KLF12: variants seen among roughly 807,000 people sequenced by gnomAD.
KLF12 encodes the protein Krueppel-like factor 12.
KLF12 carries 9 observed loss-of-function variants against 37.8 expected under a neutral mutation model. The observed-to-expected ratio is 0.24, with a 90% CI of 0.14 to 0.42. KLF12 has a LOEUF of 0.42. Ranked by LOEUF, KLF12 falls within the 10% of genes least tolerant of loss-of-function variation. The pLI is 1.00. For missense variants in KLF12, 411 were observed against 516.0 expected (o/e 0.80, Z 1.97); for synonymous variants, 208 against 202.1 (o/e 1.03, Z -0.25).
intron 1 of KLF12, among the ~76,000 whole-genome samples, chr13:74,056,827 G>A (rs948131930): frequency 2.0e-5 from 3 of 152,200 alleles, no homozygotes; most frequent in Admixed American, 6.5e-5. Flanking sequence ...TGGGAGGGGA[G>A]AGAAGGATGA....
chr13:73,884,200 T>C (rs147205313), intron 3 of KLF12, among the ~76,000 whole-genome samples: 4 of 152,324 alleles, frequency 2.6e-5, no homozygotes, highest in African/African-American at 4.8e-5. Context: ...GTTCTGAGGA[T>C]TGAATGTGTT....
At chr13:73,893,443 G>A (rs554979391) in intron 3 of KLF12, among the ~76,000 whole-genome samples, 86 of 141,724 alleles carry the variant, frequency 6.1e-4, no homozygotes, top group African/African-American at 2.0e-3. Flanking sequence ...GTGCAGTGGC[G>A]CGATCTCCAC....
intron 3 of KLF12, among the ~76,000 whole-genome samples, chr13:73,902,506 C>T (rs1023640203): frequency 1.3e-5 from 2 of 152,144 alleles, no homozygotes; most frequent in Non-Finnish European, 2.9e-5. Context: ...CACAGACGTG[C>T]TTACTGGGCT....
At chr13:73,846,747 C>T (rs1036970220) in intron 3 of KLF12, among the ~76,000 whole-genome samples, 1 of 152,158 alleles carries the variant, frequency 6.6e-6, no homozygotes, top group Non-Finnish European at 1.5e-5. Flanking sequence ...AGTGGGAAAA[C>T]TCACTATGAC....
intron 1 of KLF12, among the ~76,000 whole-genome samples, chr13:74,045,186 T>C (rs1893510051): frequency 6.6e-6 from 1 of 152,192 alleles, no homozygotes; most frequent in South Asian, 2.1e-4. Flanking sequence ...AGAACAACTT[T>C]ACAGTGGAGA....
chr13:74,101,573 G>C (rs576691284), intron 1 of KLF12, among the ~76,000 whole-genome samples: 1 of 152,070 alleles, frequency 6.6e-6, no homozygotes, highest in African/African-American at 2.4e-5. Context: ...CTTATCAGGA[G>C]GACAGGGCAG....
At chr13:73,913,102 G>C (rs1324554262) in intron 3 of KLF12, among the ~76,000 whole-genome samples, 1 of 152,120 alleles carries the variant, frequency 6.6e-6, no homozygotes, top group Non-Finnish European at 1.5e-5. Context: ...TAGAACACTA[G>C]CTCCTGAGGC....
intron 1 of KLF12, among the ~76,000 whole-genome samples, chr13:74,065,768 G>A (rs576165622): frequency 6.6e-6 from 1 of 152,016 alleles, no homozygotes; most frequent in African/African-American, 2.4e-5. Flanking sequence ...AGTGTGACCT[G>A]AGGAACATCC....
chr13:74,224,564 C>T, the KLF12 span, among the ~76,000 whole-genome samples: 1 of 152,128 alleles, frequency 6.6e-6, no homozygotes, highest in African/African-American at 2.4e-5. Flanking sequence ...TGAGCTCTTC[C>T]TCAGTTTTAT....
At chr13:73,810,646 G>GACACAC (rs71927679) in intron 5 of KLF12, among the ~76,000 whole-genome samples, 2,511 of 150,870 alleles carry the variant, frequency 0.017, 76 homozygotes, top group African/African-American at 0.057. Flanking sequence ...TATTTATAAA[G>GACACAC]ACACACACAC....
chr13:73,919,527 A>T (rs201885003), intron 3 of KLF12, among the ~76,000 whole-genome samples: 106 of 152,198 alleles, frequency 7.0e-4, no homozygotes, highest in East Asian at 5.6e-3. Context: ...AATTTTTTTT[A>T]AAAAAAGGTC....
At chr13:74,230,921 T>C in the KLF12 span, among the ~76,000 whole-genome samples, 1 of 152,220 alleles carries the variant, frequency 6.6e-6, no homozygotes, top group Non-Finnish European at 1.5e-5. Context: ...TGTCTGTGCT[T>C]CAAGAACACT....
At chr13:74,217,404 A>T in the KLF12 span, among the ~76,000 whole-genome samples, 2 of 152,052 alleles carry the variant, frequency 1.3e-5, no homozygotes, top group Non-Finnish European at 2.9e-5. Context: ...CAATATAAAG[A>T]GAACTAAAAC....
At chr13:74,059,798 T>TATAATA (rs1566523150) in intron 1 of KLF12, among the ~76,000 whole-genome samples, 1 of 152,330 alleles carries the variant, frequency 6.6e-6, no homozygotes, top group South Asian at 2.1e-4. Flanking sequence ...ATTTGTCTAT[T>TATAATA]TTTGATTTAG....
At chr13:74,183,026 C>G in the KLF12 span, among the ~76,000 whole-genome samples, 5 of 152,120 alleles carry the variant, frequency 3.3e-5, no homozygotes, top group Admixed American at 1.3e-4. Flanking sequence ...TGCCCCTGAC[C>G]AAACCATTTT....
chr13:74,058,351 ATC>A (rs1445960701), intron 1 of KLF12, among the ~76,000 whole-genome samples: 2 of 101,766 alleles, frequency 2.0e-5, no homozygotes, highest in Non-Finnish European at 4.0e-5. Context: ...TCATAATTTT[ATC>A]TTTTTTTTTT....
chr13:74,198,613 C>A, the KLF12 span, among the ~76,000 whole-genome samples: 1 of 152,042 alleles, frequency 6.6e-6, no homozygotes, highest in South Asian at 2.1e-4. Context: ...AAACTGGGGC[C>A]TGTATTGTGT....
intron 4 of KLF12, among the ~76,000 whole-genome samples, chr13:73,841,460 G>A (rs936869977): frequency 1.3e-5 from 2 of 152,076 alleles, no homozygotes; most frequent in African/African-American, 4.8e-5. Flanking sequence ...ATTTGTGTTG[G>A]GCCTTATTCA....
chr13:73,946,370 C>T (rs1890422720), intron 2 of KLF12, among the ~76,000 whole-genome samples: 1 of 152,174 alleles, frequency 6.6e-6, no homozygotes, highest in South Asian at 2.1e-4. Flanking sequence ...TCCCCACTGG[C>T]TGTGATAAAC....
Sources: allele counts gnomAD v4.1 joint callset (sites outside exome capture counted in the v4.1 genomes callset), GRCh38; gene constraint gnomAD v4.1.1; transcripts MANE v1.5; gene names NCBI Gene and HGNC (gene_info 2026-07-23, HGNC 2026-07-21).